The following TSHZ2 variants were observed in gnomAD, a reference collection of about 807,000 sequenced individuals.
The protein encoded by TSHZ2 is teashirt homolog 2.
A neutral mutation model predicts 74.4 loss-of-function variants in TSHZ2; 21 were observed. The ratio of observed to expected loss-of-function variants is 0.28; its 90% CI spans 0.20 to 0.41. TSHZ2 has a LOEUF of 0.41. Among genes scored for constraint, TSHZ2 ranks in the 10% least tolerant of loss-of-function variants. The probability of loss-of-function intolerance (pLI) is 1.00; values close to 1 mark genes in which losing one functional copy is unlikely to be tolerated. For missense variants in TSHZ2, 1,244 were observed against 1,293.5 expected (o/e 0.96, Z 0.59); for synonymous variants, 540 against 515.3 (o/e 1.05, Z -0.65).
intron 2 of TSHZ2, among the ~76,000 whole-genome samples, chr20:53,299,376 T>C (rs6091659): frequency 0.64 from 96,771 of 152,088 alleles, 31,157 homozygotes; most frequent in Middle Eastern, 0.7. Flanking sequence ...TGCGTTTTTG[T>C]GGATATGATT....
intron 2 of TSHZ2, among the ~76,000 whole-genome samples, chr20:53,368,068 C>T (rs574027842): frequency 4.6e-5 from 7 of 152,152 alleles, no homozygotes; most frequent in Non-Finnish European, 8.8e-5. Flanking sequence ...TTTCCTCCCG[C>T]GCTGGGACAA....
intron 2 of TSHZ2, among the ~76,000 whole-genome samples, chr20:53,325,669 G>GTTGT (rs11474480): frequency 0.28 from 42,402 of 151,530 alleles, 5,996 homozygotes; most frequent in East Asian, 0.32. Context: ...TGCTTTGTTT[G>GTTGT]TTGTTTGTTT....
chr20:53,454,089 C>T lies in TSHZ2; in HGVS notation c.*9-33055C>T, dbSNP rs1387300163. Reference sequence around the variant, plus strand: ...CTCTTGTCTTTGCCATAAACTTAAACAACTTGAGTGACAATTGCTACTGAA... The same window carrying T: ...CTCTTGTCTTTGCCATAAACTTAAATAACTTGAGTGACAATTGCTACTGAA... On this transcript the variant is annotated intron_variant, in intron 2 of 2. Transcript: ENST00000371497. 2.0e-5 allele frequency among the ~76,000 whole-genome samples: 3 copies of T among 152,196 alleles called. No homozygotes were observed. In the East Asian group the frequency reaches 5.8e-4, roughly 29 times the overall value.
intron 1 of TSHZ2, among the ~76,000 whole-genome samples, chr20:53,215,975 T>G (rs970385812): frequency 6.6e-6 from 1 of 152,084 alleles, no homozygotes; most frequent in African/African-American, 2.4e-5. Context: ...CTGCCCTTTT[T>G]CCCCTAAGGC....
At chr20:53,048,194 C>A (rs1160288399) in intron 1 of TSHZ2, among the ~76,000 whole-genome samples, 1 of 152,104 alleles carries the variant, frequency 6.6e-6, no homozygotes, top group Non-Finnish European at 1.5e-5. Flanking sequence ...AGGGTAGAGC[C>A]GATCAAAGAC....
intron 1 of TSHZ2, among the ~76,000 whole-genome samples, chr20:53,210,786 A>G (rs1989285100): frequency 6.6e-6 from 1 of 152,062 alleles, no homozygotes; most frequent in South Asian, 2.1e-4. Context: ...TGTCCATATC[A>G]ATAAGACGTA....
chr20:53,235,505 T>C (rs1488426350), intron 1 of TSHZ2, among the ~76,000 whole-genome samples: 1 of 152,142 alleles, frequency 6.6e-6, no homozygotes, highest in Non-Finnish European at 1.5e-5. Flanking sequence ...TGCCAGTGTG[T>C]ACCAGAAAGC....
chr20:53,267,232 G>C (rs1208516880), intron 2 of TSHZ2, among the ~76,000 whole-genome samples: 4 of 152,158 alleles, frequency 2.6e-5, no homozygotes, highest in African/African-American at 9.7e-5. Context: ...GGGCCTCAGA[G>C]CTAGTGAGCT....
At chr20:53,306,580 C>A (rs1568861188) in intron 2 of TSHZ2, among the ~76,000 whole-genome samples, 1 of 151,860 alleles carries the variant, frequency 6.6e-6, no homozygotes, top group East Asian at 1.9e-4. Flanking sequence ...CATGAAACCT[C>A]GCGGAGGAAA....
chr20:52,975,194 C>T (rs1189568671), intron 1 of TSHZ2, among the ~76,000 whole-genome samples: 3 of 151,866 alleles, frequency 2.0e-5, no homozygotes, highest in Non-Finnish European at 2.9e-5. Context: ...ATTGTTGTCC[C>T]GAAAGAGAAC....
chr20:53,014,008 G>A (rs1432207956), intron 1 of TSHZ2, among the ~76,000 whole-genome samples: 1 of 152,192 alleles, frequency 6.6e-6, no homozygotes, highest in African/African-American at 2.4e-5. Context: ...AATGAGCAGT[G>A]AGTGTGTATT....
chr20:53,221,638 G>A (rs907894877), intron 1 of TSHZ2, among the ~76,000 whole-genome samples: 1 of 152,052 alleles, frequency 6.6e-6, no homozygotes, highest in Non-Finnish European at 1.5e-5. Context: ...AAATCATCTT[G>A]GTAAACACAG....
At chr20:53,055,903 A>G (rs1334906456) in intron 1 of TSHZ2, among the ~76,000 whole-genome samples, 1 of 152,188 alleles carries the variant, frequency 6.6e-6, no homozygotes, top group Non-Finnish European at 1.5e-5. Flanking sequence ...AGGAGACTTG[A>G]GCAGTTGCAA....
intron 1 of TSHZ2, among the ~76,000 whole-genome samples, chr20:53,028,374 C>G (rs1983521496): frequency 6.6e-6 from 1 of 152,210 alleles, no homozygotes; most frequent in South Asian, 2.1e-4. Flanking sequence ...CTCCTTGTTT[C>G]AATTAAGAGC....
intron 2 of TSHZ2, among the ~76,000 whole-genome samples, chr20:53,451,803 G>A (rs139863334): frequency 2.5e-4 from 38 of 152,224 alleles, no homozygotes; most frequent in East Asian, 7.7e-4. Context: ...TATAAACTCC[G>A]TAAAGCTGGG....
chr20:53,383,059 G>A (rs1388497356), intron 2 of TSHZ2, among the ~76,000 whole-genome samples: 3 of 152,046 alleles, frequency 2.0e-5, no homozygotes, highest in African/African-American at 4.8e-5. Context: ...TTCGGAGGTC[G>A]AGACCAGCCT....
chr20:53,474,652 T>C (rs1985936638), intron 2 of TSHZ2, among the ~76,000 whole-genome samples: 2 of 132,302 alleles, frequency 1.5e-5, no homozygotes, highest in African/African-American at 3.0e-5. Flanking sequence ...AATTCACACA[T>C]AACAGTATTA....
intron 2 of TSHZ2, among the ~76,000 whole-genome samples, chr20:53,354,970 G>A (rs932095984): frequency 6.6e-6 from 1 of 152,020 alleles, no homozygotes; most frequent in African/African-American, 2.4e-5. Flanking sequence ...TCTTTGATTG[G>A]GCAAGGGGGT....
At chr20:53,017,156 C>A (rs549140029) in intron 1 of TSHZ2, among the ~76,000 whole-genome samples, 3 of 152,132 alleles carry the variant, frequency 2.0e-5, no homozygotes, top group East Asian at 1.9e-4. Context: ...GCTTTATGTG[C>A]GGTATCTCAT....
Sources: allele counts gnomAD v4.1 joint callset (sites outside exome capture counted in the v4.1 genomes callset), GRCh38; gene constraint gnomAD v4.1.1; transcripts MANE v1.5; gene names NCBI Gene and HGNC (gene_info 2026-07-23, HGNC 2026-07-21).